Variants in RHBDD1 observed in about 807,000 individuals in gnomAD.
RHBDD1 encodes rhomboid-related protein 4.
RHBDD1 carries 38 observed loss-of-function variants against 36.3 expected under a neutral mutation model. That is an observed-to-expected ratio of 1.05 (90% CI 0.81 to 1.37). The LOEUF is 1.37. Ranked by LOEUF, RHBDD1 falls within the 40% of genes most tolerant of loss-of-function variation. The pLI is 0.00. For missense variants in RHBDD1, 393 were observed against 377.6 expected, an observed-to-expected ratio of 1.04 and a Z score of -0.34; for synonymous variants, 151 against 136.5, an observed-to-expected ratio of 1.11 and a Z score of -0.74.
intron 5 of RHBDD1, among the ~76,000 whole-genome samples, chr2:226,904,480 T>A (rs1177059219): frequency 6.7e-6 from 1 of 149,556 alleles, no homozygotes; most frequent in Non-Finnish European, 1.5e-5. Context: ...AATGCTCTCC[T>A]GAGGGGATGA....
chr2:226,861,995 T>G (rs1319885255), intron 3 of RHBDD1, among the ~76,000 whole-genome samples: 1 of 152,240 alleles, frequency 6.6e-6, no homozygotes, highest in African/African-American at 2.4e-5. Context: ...TGCACGTGTA[T>G]GTATATGGCT....
At chr2:226,931,692 A>G (rs909425772) in intron 8 of RHBDD1, among the ~76,000 whole-genome samples, 3 of 152,052 alleles carry the variant, frequency 2.0e-5, no homozygotes, top group African/African-American at 7.2e-5. Flanking sequence ...TATTTTTTTC[A>G]TTGATCTATG....
chr2:226,804,258 G>A, the RHBDD1 span: 1 of 152,228 alleles, frequency 6.6e-6, no homozygotes, highest in East Asian at 1.9e-4. Context: ...TCCCAGTCCT[G>A]CTAAACCAAA....
At chr2:226,848,588 T>C (rs926453022) in intron 3 of RHBDD1, among the ~76,000 whole-genome samples, 1 of 152,154 alleles carries the variant, frequency 6.6e-6, no homozygotes, top group African/African-American at 2.4e-5. Context: ...AAATCACCAC[T>C]CTGAAATCTG....
the RHBDD1 span, among the ~76,000 whole-genome samples, chr2:226,810,313 G>A: frequency 4.6e-5 from 7 of 152,008 alleles, no homozygotes; most frequent in Non-Finnish European, 1.0e-4. Flanking sequence ...GCTGAGGTGG[G>A]TGGAACACCT....
chr2:226,937,687 T>C (rs1575164365), intron 8 of RHBDD1, among the ~76,000 whole-genome samples: 1 of 152,148 alleles, frequency 6.6e-6, no homozygotes, highest in Non-Finnish European at 1.5e-5. Context: ...AGTGAGAACA[T>C]GCGGTATTAA....
the RHBDD1 span, among the ~76,000 whole-genome samples, chr2:226,800,500 G>A: frequency 1.3e-5 from 2 of 152,146 alleles, no homozygotes; most frequent in South Asian, 2.1e-4. Flanking sequence ...AGTGTCTCAC[G>A]TCCGGCGCTG....
rs538658312 is a variant in RHBDD1, at chr2:226,978,643, C to T, written c.857-16788C>T. Among the ~76,000 whole-genome samples the T allele has an allele frequency of 2.0e-5, 3 of 152,282 alleles. No homozygotes were observed. The South Asian group carries it at 6.2e-4, about 32-fold the overall frequency. On this transcript the variant is annotated intron_variant, in intron 8 of 8. Transcript: ENST00000392062. Reference sequence around the variant, plus strand: ...GACATAAACCCTCACTGTCCTTGCCCCCATGGAGCTCACAACGCAGTGAGA... The same window carrying T: ...GACATAAACCCTCACTGTCCTTGCCTCCATGGAGCTCACAACGCAGTGAGA...
At chr2:226,820,400 G>A in the RHBDD1 span, among the ~76,000 whole-genome samples, 4 of 152,166 alleles carry the variant, frequency 2.6e-5, no homozygotes, top group African/African-American at 9.6e-5. Flanking sequence ...TGACAACATT[G>A]TTTAGGCTAA....
chr2:226,897,184 A>G (rs180892678), intron 5 of RHBDD1, among the ~76,000 whole-genome samples: 1 of 152,058 alleles, frequency 6.6e-6, no homozygotes, highest in Non-Finnish European at 1.5e-5. Flanking sequence ...TTCCATTCCC[A>G]CTTCTGAGCA....
At chr2:226,850,695 G>A (rs1942721772) in intron 3 of RHBDD1, among the ~76,000 whole-genome samples, 2 of 152,122 alleles carry the variant, frequency 1.3e-5, no homozygotes, top group Admixed American at 6.5e-5. Context: ...AAGACAGAGT[G>A]ATTTTTAAGA....
At chr2:226,833,468 C>T (rs1053229740), upstream of RHBDD1, among the ~76,000 whole-genome samples, 5 of 152,192 alleles carry the variant, frequency 3.3e-5, no homozygotes, top group Non-Finnish European at 7.3e-5. Flanking sequence ...AGGGTTGTTA[C>T]CACCACTCCT....
Position 226,995,567 on chromosome 2 carries a change from C to G in RHBDD1, c.*45C>G, listed in dbSNP as rs762834163. 1.4e-5 allele frequency: 18 copies of G among 1,257,302 alleles called. No homozygotes were observed. The highest frequency in any genetic ancestry group is 1.5e-5 in the Non-Finnish European group (13 of 867,386). 77.9% of individuals were successfully genotyped at this position (1,257,302 alleles called of 1,614,324 possible). A position where few individuals can be genotyped will look rare whatever the true frequency, so the allele number is the denominator to read the frequency against. ...ATGGCCTATTCGTGTAATTATTGCC[C>G]ATTTGGCTCATTCCCCAAGCCCCTA... is the stretch of plus-strand genomic sequence containing the variant. On this transcript the variant is annotated 3_prime_UTR_variant, in exon 9 of 9. Transcript: ENST00000392062.
intron 5 of RHBDD1, among the ~76,000 whole-genome samples, chr2:226,890,002 CTG>C (rs1291421185): frequency 1.2e-4 from 18 of 152,154 alleles, no homozygotes; most frequent in Non-Finnish European, 4.4e-5. Flanking sequence ...ATGCTGAAGT[CTG>C]TGTCTGGCTG....
chr2:226,833,704 G>C (rs1940799262), upstream of RHBDD1, among the ~76,000 whole-genome samples: 3 of 152,212 alleles, frequency 2.0e-5, no homozygotes. Flanking sequence ...GTAATGTAGT[G>C]ATTACGTATA....
intron 8 of RHBDD1, among the ~76,000 whole-genome samples, chr2:226,990,542 C>T (rs1957953022): frequency 6.6e-6 from 1 of 152,178 alleles, no homozygotes; most frequent in South Asian, 2.1e-4. Context: ...AATCAAACAT[C>T]TCTATTTACA....
At chr2:226,884,164 A>G (rs914460324) in intron 5 of RHBDD1, among the ~76,000 whole-genome samples, 1 of 152,310 alleles carries the variant, frequency 6.6e-6, no homozygotes, top group Admixed American at 6.5e-5. Flanking sequence ...GTTTTAAAAT[A>G]GAGAGTTCTT....
the RHBDD1 span, among the ~76,000 whole-genome samples, chr2:226,807,789 G>A: frequency 3.3e-5 from 5 of 152,264 alleles, no homozygotes; most frequent in Admixed American, 3.3e-4. Context: ...CAGCAGTGAC[G>A]TAATCTGACA....
chr2:226,866,447 A>G (rs1944351503), intron 4 of RHBDD1, among the ~76,000 whole-genome samples: 1 of 151,960 alleles, frequency 6.6e-6, no homozygotes, highest in Admixed American at 6.6e-5. Flanking sequence ...TCTTGATTTT[A>G]TAGATGAGGA....
Sources: allele counts gnomAD v4.1 joint callset (sites outside exome capture counted in the v4.1 genomes callset), GRCh38; gene constraint gnomAD v4.1.1; transcripts MANE v1.5; gene names NCBI Gene and HGNC (gene_info 2026-07-23, HGNC 2026-07-21).